Variants in MTUS1 observed in about 807,000 individuals in gnomAD.
MTUS1 encodes the protein microtubule-associated tumor suppressor 1.
A neutral mutation model predicts 120.8 loss-of-function variants in MTUS1; 109 were observed. The observed-to-expected ratio is 0.90, with a 90% CI of 0.77 to 1.06. MTUS1 has a LOEUF of 1.06. Ranked by LOEUF, MTUS1 falls within the 50% of genes least tolerant of loss-of-function variation. MTUS1 has a pLI of 0.00. For missense variants in MTUS1, 2,210 were observed against 1,486.3 expected, an observed-to-expected ratio of 1.49 and a Z score of -8.01; for synonymous variants, 737 against 550.5, an observed-to-expected ratio of 1.34 and a Z score of -4.74.
intron 6 of MTUS1, among the ~76,000 whole-genome samples, chr8:17,698,608 TA>T (rs1365204871): frequency 2.4e-4 from 36 of 152,246 alleles, no homozygotes; most frequent in African/African-American, 8.7e-4. Flanking sequence ...TAAATAACAC[TA>T]TTAAGTGCTA....
chr8:17,717,120 T>TC (rs1822491704), intron 4 of MTUS1, among the ~76,000 whole-genome samples: 1 of 152,184 alleles, frequency 6.6e-6, no homozygotes. Context: ...GCTATTATTT[T>TC]CCCCTAATCC....
At chr8:17,675,886 T>C (rs1230447665) in intron 7 of MTUS1, 1 of 169,860 alleles carries the variant, frequency 5.9e-6, no homozygotes, top group Admixed American at 6.2e-5. Flanking sequence ...GAAAACCGGA[T>C]GGCTGTTTTT....
At chr8:17,751,132 C>G (rs564092138) in intron 2 of MTUS1, among the ~76,000 whole-genome samples, 3 of 151,998 alleles carry the variant, frequency 2.0e-5, no homozygotes, top group Admixed American at 1.3e-4. Context: ...GCCTGGCCAA[C>G]GTGGTGAAAC....
chr8:17,653,119 T>C (rs959309234), intron 12 of MTUS1, 67 bp downstream of exon 12: 1 of 872,368 alleles, frequency 1.1e-6, no homozygotes, highest in Non-Finnish European at 1.8e-6. Flanking sequence ...TGCTGAGTAC[T>C]TGAATGACTC....
intron 6 of MTUS1, among the ~76,000 whole-genome samples, chr8:17,711,639 G>A (rs1472005114): frequency 6.6e-6 from 1 of 152,158 alleles, no homozygotes; most frequent in African/African-American, 2.4e-5. Flanking sequence ...GTTCACTAGA[G>A]GAGCACTTTT....
intron 1 of MTUS1, among the ~76,000 whole-genome samples, chr8:17,778,555 G>C (rs1277710952): frequency 6.6e-6 from 1 of 152,100 alleles, no homozygotes; most frequent in South Asian, 2.1e-4. Flanking sequence ...GGTGGCTCAC[G>C]CCTGTAATCC....
intron 4 of MTUS1, among the ~76,000 whole-genome samples, chr8:17,718,715 T>G (rs1405705436): frequency 1.3e-5 from 2 of 151,902 alleles, no homozygotes; most frequent in South Asian, 2.1e-4. Flanking sequence ...CCCAACTGTC[T>G]CAATTATGCC....
rs1459231684 is a variant in MTUS1 at position 17,743,904 on chromosome 8, A to G, written c.2092-105T>C. 6 of 961,514 alleles carry G rather than the reference A, an allele frequency of 6.2e-6. No homozygotes were observed. In the East Asian group the frequency reaches 7.4e-5, roughly 12 times the overall value. The allele number at this position is 961,514 out of a possible 1,614,324, so 59.6% of individuals were successfully genotyped here. Reference sequence around the variant, plus strand: ...GGCCAAGGCAATTCCAAAGAAACCTAAAAAACAAGTTCAGGCCATGATGGC... The same window carrying G: ...GGCCAAGGCAATTCCAAAGAAACCTGAAAAACAAGTTCAGGCCATGATGGC... On this transcript the variant is annotated intron_variant, in intron 2 of 14. Transcript: ENST00000693296.
At chr8:17,717,327 G>C (rs1421757030) in intron 4 of MTUS1, among the ~76,000 whole-genome samples, 1 of 152,122 alleles carries the variant, frequency 6.6e-6, no homozygotes, top group African/African-American at 2.4e-5. Flanking sequence ...AAGCTAATGG[G>C]AGTGACAGTA....
intron 1 of MTUS1, among the ~76,000 whole-genome samples, chr8:17,757,016 G>A (rs1250844396): frequency 6.6e-6 from 1 of 152,158 alleles, no homozygotes; most frequent in East Asian, 1.9e-4. Context: ...AGTACCACAT[G>A]CCCCAGCAAT....
chr8:17,723,998 CATGTTT>C, intron 3 of MTUS1, 165 bp from the exon 4 acceptor site: 1 of 614,902 alleles, frequency 1.6e-6, no homozygotes, highest in Non-Finnish European at 2.8e-6. Context: ...TTCACGCAGA[CATGTTT>C]ATTTTTGATC....
intron 6 of MTUS1, among the ~76,000 whole-genome samples, chr8:17,706,583 C>A (rs1048256583): frequency 1.3e-5 from 2 of 152,198 alleles, no homozygotes; most frequent in Non-Finnish European, 2.9e-5. Flanking sequence ...TTTATGTCAA[C>A]CACGGTATAA....
intron 3 of MTUS1, among the ~76,000 whole-genome samples, chr8:17,730,545 C>G (rs1432204313): frequency 6.7e-6 from 1 of 148,952 alleles, no homozygotes; most frequent in Non-Finnish European, 1.5e-5. Context: ...ACCATCTTCA[C>G]AGCAGCATTA....
chr8:17,776,943 G>T (rs182770008), intron 1 of MTUS1, among the ~76,000 whole-genome samples: 58 of 152,186 alleles, frequency 3.8e-4, no homozygotes, highest in Middle Eastern at 3.4e-3. Context: ...TTCAACAGCT[G>T]TAAGACTTGA....
At chr8:17,793,851 C>T (rs562639193) in intron 1 of MTUS1, among the ~76,000 whole-genome samples, 50 of 152,290 alleles carry the variant, frequency 3.3e-4, no homozygotes, top group African/African-American at 1.0e-3. Flanking sequence ...CAAAGCCCAA[C>T]GTTAACAACC....
intron 8 of MTUS1, among the ~76,000 whole-genome samples, chr8:17,668,553 C>G (rs971325940): frequency 6.6e-6 from 1 of 152,146 alleles, no homozygotes; most frequent in Non-Finnish European, 1.5e-5. Flanking sequence ...CTGGGATTGT[C>G]GGACATAATA....
chr8:17,666,090 C>CTTT (rs57062684), intron 8 of MTUS1, among the ~76,000 whole-genome samples: 7 of 111,082 alleles, frequency 6.3e-5, no homozygotes, highest in Non-Finnish European at 1.1e-4. Context: ...AGAACAGATG[C>CTTT]TTTTTTTTTT....
intron 7 of MTUS1, 73 bp from the exon 8 acceptor site, chr8:17,675,325 A>C (rs1239495407): frequency 1.5e-6 from 2 of 1,377,228 alleles, no homozygotes; most frequent in African/African-American, 2.9e-5. Flanking sequence ...ATTTGTTATC[A>C]CTAGGAAAAT....
Position 17,756,016 on chromosome 8 carries a change from C to A in MTUS1, c.-154-55G>T, listed in dbSNP as rs1586196785. On this transcript the variant is annotated intron_variant, in intron 1 of 14. Transcript: ENST00000693296. ...AACTATAAGAAAAATTAACAGGCCA[C>A]CCCTTGGTTTCAATCACTAAGTGAT... 6.8e-6 allele frequency: 8 copies of A among 1,181,588 alleles called. No homozygotes were observed. The East Asian group carries it at 2.3e-4, about 34-fold the overall frequency. The allele number at this position is 1,181,588 out of a possible 1,614,324, so 73.2% of individuals were successfully genotyped here. A position where few individuals can be genotyped will look rare whatever the true frequency, so the allele number is the denominator to read the frequency against.
Sources: gnomAD v4.1 joint callset for allele counts (sites outside exome capture counted in the v4.1 genomes callset) on GRCh38, gnomAD v4.1.1 for gene constraint, MANE v1.5 for transcripts, NCBI Gene and HGNC (gene_info 2026-07-23, HGNC 2026-07-21) for gene names.